Variants in ADAM32 observed in about 807,000 individuals in gnomAD.
ADAM32 encodes ADAM metallopeptidase domain 32.
Under a neutral mutation model 114.9 loss-of-function variants are expected in ADAM32, and 89 were observed. That is an observed-to-expected ratio of 0.77 (90% CI 0.65 to 0.92). The LOEUF (loss-of-function observed/expected upper bound fraction) is 0.92, where lower values mean the gene tolerates loss of function less well. ADAM32 is among the 40% of genes least tolerant of loss of function. The pLI is 0.00. For missense variants in ADAM32, 870 were observed against 932.8 expected (o/e 0.93, Z 0.88); for synonymous variants, 285 against 307.5 (o/e 0.93, Z 0.77).
At chr8:39,118,772 A>G (rs1002762404) in intron 2 of ADAM32, among the ~76,000 whole-genome samples, 1 of 152,174 alleles carries the variant, frequency 6.6e-6, no homozygotes, top group African/African-American at 2.4e-5. Context: ...GCAATTTACA[A>G]CACCATAGAG....
At chr8:39,166,274 A>G (rs1337375000) in intron 9 of ADAM32, 1 of 152,050 alleles carries the variant, frequency 6.6e-6, no homozygotes, top group African/African-American at 2.4e-5. Flanking sequence ...GCTCCCACAT[A>G]TTGGTCAGAA....
At chr8:39,212,968 T>G (rs10088794) in intron 12 of ADAM32, among the ~76,000 whole-genome samples, 37,499 of 152,062 alleles carry the variant, frequency 0.25, 4,979 homozygotes, top group Non-Finnish European at 0.29. Context: ...TAAATTTGCA[T>G]TTTCTTGATT....
intron 7 of ADAM32, among the ~76,000 whole-genome samples, chr8:39,162,385 C>CATAT (rs1196332799): frequency 6.6e-6 from 1 of 151,968 alleles, no homozygotes; most frequent in Non-Finnish European, 1.5e-5. Flanking sequence ...GTATATGTGC[C>CATAT]ACATATTCTT....
intron 12 of ADAM32, among the ~76,000 whole-genome samples, chr8:39,217,362 G>A (rs1808649698): frequency 6.6e-6 from 1 of 151,882 alleles, no homozygotes; most frequent in African/African-American, 2.4e-5. Flanking sequence ...AAATCTGCTT[G>A]GTGTTCTATA....
chr8:39,154,625 A>C (rs1304101672), intron 6 of ADAM32, among the ~76,000 whole-genome samples: 2 of 152,200 alleles, frequency 1.3e-5, no homozygotes, highest in Non-Finnish European at 2.9e-5. Context: ...ACTGTCTTTC[A>C]CAATGGTTGA....
At chr8:39,196,064 T>C (rs1165207275) in intron 11 of ADAM32, among the ~76,000 whole-genome samples, 1 of 152,152 alleles carries the variant, frequency 6.6e-6, no homozygotes, top group Non-Finnish European at 1.5e-5. Flanking sequence ...ACCTCCTTGG[T>C]TCAGTTTATT....
At chr8:39,157,958 A>G in intron 6 of ADAM32, 1 of 332,894 alleles carries the variant, frequency 3.0e-6, no homozygotes. Flanking sequence ...GCAGGATGCC[A>G]TGCCCCAATA....
chr8:39,155,486 C>G (rs190266863), intron 6 of ADAM32, among the ~76,000 whole-genome samples: 2 of 152,252 alleles, frequency 1.3e-5, no homozygotes, highest in Admixed American at 1.3e-4. Context: ...CTGACAGACT[C>G]AAGATATAGT....
chr8:39,201,233 A>T (rs1214681926), intron 11 of ADAM32, among the ~76,000 whole-genome samples: 2 of 152,124 alleles, frequency 1.3e-5, no homozygotes, highest in Non-Finnish European at 2.9e-5. Flanking sequence ...CATTTTCACA[A>T]TATTGATTCT....
chr8:39,219,128 C>T (rs4733992), intron 12 of ADAM32, among the ~76,000 whole-genome samples: 34,682 of 151,874 alleles, frequency 0.23, 4,343 homozygotes, highest in Non-Finnish European at 0.27. Flanking sequence ...GATCTGGTAT[C>T]CAAGATGCAA....
chr8:39,235,189 C>T (rs575278014), intron 16 of ADAM32, among the ~76,000 whole-genome samples: 1 of 152,060 alleles, frequency 6.6e-6, no homozygotes, highest in African/African-American at 2.4e-5. Context: ...GATCTTTGCT[C>T]ATAGGGAAAT....
chr8:39,201,933 T>C (rs1488017040), intron 11 of ADAM32, among the ~76,000 whole-genome samples: 1 of 152,228 alleles, frequency 6.6e-6, no homozygotes, highest in African/African-American at 2.4e-5. Flanking sequence ...ATTACATTTA[T>C]TGATTTGCAT....
chr8:39,136,506 A>G (rs1304537725), intron 2 of ADAM32, 151 bp from the exon 3 acceptor site: 4 of 511,634 alleles, frequency 7.8e-6, no homozygotes, highest in Non-Finnish European at 1.3e-5. Context: ...AAATTTTTTG[A>G]TGTGTTGTTG....
chr8:39,174,096 G>T (rs1805364239), intron 10 of ADAM32, among the ~76,000 whole-genome samples: 1 of 152,176 alleles, frequency 6.6e-6, no homozygotes, highest in African/African-American at 2.4e-5. Flanking sequence ...AAGTGTTGGG[G>T]TTACAGGCGT....
chr8:39,230,642 A>C (rs1325082871), intron 14 of ADAM32, among the ~76,000 whole-genome samples: 1 of 152,198 alleles, frequency 6.6e-6, no homozygotes, highest in Non-Finnish European at 1.5e-5. Flanking sequence ...AGCATTGCCT[A>C]TCCTCATGGA....
At chr8:39,136,620 A>C in intron 2 of ADAM32, 37 bp from the exon 3 acceptor site, 5 of 1,352,084 alleles carry the variant, frequency 3.7e-6, no homozygotes, top group Non-Finnish European at 5.0e-6. Flanking sequence ...TCTTGTATTA[A>C]ATTTGTCTTC....
At chr8:39,278,474 A>AT (rs999446274) in intron 22 of ADAM32, among the ~76,000 whole-genome samples, 3 of 152,104 alleles carry the variant, frequency 2.0e-5, no homozygotes, top group African/African-American at 7.2e-5. Context: ...CTTTAGTGTA[A>AT]TTATTTTAAA....
intron 9 of ADAM32, chr8:39,166,553 C>G (rs1469492920): frequency 1.3e-5 from 2 of 152,190 alleles, no homozygotes; most frequent in Non-Finnish European, 2.9e-5. Flanking sequence ...GGTAGATACC[C>G]AGTAGTGGGA....
chr8:39,232,223 G>T, intron 15 of ADAM32, 88 bp downstream of exon 15: 1 of 1,046,562 alleles, frequency 9.6e-7, no homozygotes, highest in African/African-American at 1.6e-5. Context: ...TCATTCCAGT[G>T]GTTTAAAGTA....
Sources: allele counts gnomAD v4.1 joint callset (sites outside exome capture counted in the v4.1 genomes callset), GRCh38; gene constraint gnomAD v4.1.1; transcripts MANE v1.5; gene names NCBI Gene and HGNC (gene_info 2026-07-23, HGNC 2026-07-21).